The following TTC6 variants were observed in gnomAD, a reference collection of about 807,000 sequenced individuals.
TTC6 encodes tetratricopeptide repeat protein 6.
Under a neutral mutation model 210.4 loss-of-function variants are expected in TTC6, and 172 were observed. The ratio of observed to expected loss-of-function variants is 0.82; its 90% CI spans 0.72 to 0.93. The LOEUF (loss-of-function observed/expected upper bound fraction) is 0.93. Among genes scored for constraint, TTC6 ranks in the 40% least tolerant of loss-of-function variants. The pLI is 0.00. For synonymous variants in TTC6, 804 were observed against 819.6 expected (o/e 0.98, Z 0.32); for missense variants, 2,414 against 2,318.1 (o/e 1.04, Z -0.85).
intron 1 of TTC6, among the ~76,000 whole-genome samples, chr14:37,648,948 CAG>C (rs2095706432): frequency 6.6e-6 from 1 of 151,962 alleles, no homozygotes; most frequent in Non-Finnish European, 1.5e-5. Context: ...AGTTTGTAAA[CAG>C]AGATGTGCAA....
chr14:37,821,794 T>G (rs1037886348), intron 26 of TTC6, among the ~76,000 whole-genome samples: 21 of 147,848 alleles, frequency 1.4e-4, no homozygotes, highest in Non-Finnish European at 3.0e-4. Flanking sequence ...TTTTTTTTTT[T>G]TTTGAGATGG....
At chr14:37,782,609 T>A (rs2096057838) in intron 14 of TTC6, among the ~76,000 whole-genome samples, 1 of 152,110 alleles carries the variant, frequency 6.6e-6, no homozygotes, top group African/African-American at 2.4e-5. Flanking sequence ...CCTAATTGAA[T>A]ACCCTTTATT....
At chr14:37,689,126 TAGAA>T (rs148409705) in intron 3 of TTC6, among the ~76,000 whole-genome samples, 11,393 of 151,780 alleles carry the variant, frequency 0.075, 518 homozygotes, top group African/African-American at 0.14. Context: ...TTGAAATAAT[TAGAA>T]AGAATCAAGC....
At chr14:37,644,794 A>G (rs573604029) in intron 1 of TTC6, among the ~76,000 whole-genome samples, 169 of 152,314 alleles carry the variant, frequency 1.1e-3, no homozygotes, top group Non-Finnish European at 2.2e-3. Flanking sequence ...ATTAGGTAAC[A>G]TAACAAGGGA....
At chr14:37,823,941 T>C (rs2096164254) in exon 27 of TTC6, 2 of 1,613,798 alleles carry the variant, frequency 1.2e-6, no homozygotes, top group Non-Finnish European at 1.7e-6. Context: ...AGAATTAGTT[T>C]TGGCTATAAT....
chr14:37,776,452 T>C (rs2096037864), intron 14 of TTC6, among the ~76,000 whole-genome samples: 1 of 152,160 alleles, frequency 6.6e-6, no homozygotes, highest in Admixed American at 6.5e-5. Flanking sequence ...TGGCTTGTAA[T>C]GGTCTTTCCT....
chr14:37,835,718 T>A (rs141776624), intron 29 of TTC6, among the ~76,000 whole-genome samples: 3 of 152,320 alleles, frequency 2.0e-5, no homozygotes, highest in Non-Finnish European at 4.4e-5. Flanking sequence ...AATAATTGTG[T>A]TAGAAAGTGG....
At chr14:37,808,650 G>T (rs1320208753) in intron 23 of TTC6, 83 bp from the exon 26 acceptor site, 9 of 725,980 alleles carry the variant, frequency 1.2e-5, no homozygotes, top group Middle Eastern at 3.9e-4. Flanking sequence ...CAAAAACTCT[G>T]ATAGAAACAA....
At chr14:37,634,525 C>G (rs760269736) in intron 1 of TTC6, among the ~76,000 whole-genome samples, 3 of 152,014 alleles carry the variant, frequency 2.0e-5, no homozygotes, top group Non-Finnish European at 2.9e-5. Context: ...CATCATAGTC[C>G]TGGAAGAAGG....
intron 3 of TTC6, among the ~76,000 whole-genome samples, chr14:37,685,484 ACT>A (rs1405890976): frequency 6.6e-6 from 1 of 152,088 alleles, no homozygotes; most frequent in Non-Finnish European, 1.5e-5. Context: ...AAGAAAGATA[ACT>A]CTGTCATATG....
At chr14:37,701,158 A>G (rs1414042710) in intron 4 of TTC6, among the ~76,000 whole-genome samples, 174 bp from the exon 7 acceptor site, 2 of 152,178 alleles carry the variant, frequency 1.3e-5, no homozygotes, top group Non-Finnish European at 2.9e-5. Context: ...GCTCTGGACA[A>G]TGGCCTGAGA....
At chr14:37,651,520 G>A (rs2095713129) in intron 1 of TTC6, among the ~76,000 whole-genome samples, 1 of 141,306 alleles carries the variant, frequency 7.1e-6, no homozygotes, top group Non-Finnish European at 1.5e-5. Flanking sequence ...ATATTGTCAA[G>A]TACCTTCAAG....
At chr14:37,744,849 G>A (rs1199528872) in intron 10 of TTC6, among the ~76,000 whole-genome samples, 1 of 152,136 alleles carries the variant, frequency 6.6e-6, no homozygotes, top group Non-Finnish European at 1.5e-5. Flanking sequence ...GGAGCAGGGA[G>A]ACCAGTTAGA....
chr14:37,628,498 G>A (rs2095664193), intron 1 of TTC6, among the ~76,000 whole-genome samples: 1 of 151,994 alleles, frequency 6.6e-6, no homozygotes, highest in Non-Finnish European at 1.5e-5. Context: ...TGTAGATTCT[G>A]GATATTAGCC....
chr14:37,804,967 A>G (rs2096115110), intron 21 of TTC6, among the ~76,000 whole-genome samples, 153 bp downstream of exon 23: 1 of 152,186 alleles, frequency 6.6e-6, no homozygotes, highest in African/African-American at 2.4e-5. Flanking sequence ...GCACCCTGCA[A>G]CACCTAGGAC....
intron 29 of TTC6, among the ~76,000 whole-genome samples, chr14:37,829,058 A>G (rs1485273717): frequency 6.6e-6 from 1 of 151,916 alleles, no homozygotes; most frequent in Admixed American, 6.6e-5. Flanking sequence ...TGTGGAACAA[A>G]TTCTCCTTTG....
intron 29 of TTC6, 92 bp downstream of exon 31, chr14:37,827,458 C>A: frequency 8.4e-7 from 1 of 1,195,452 alleles, no homozygotes; most frequent in Non-Finnish European, 1.2e-6. Flanking sequence ...CAATCTCAGG[C>A]TAATAATGCA....
chr14:37,732,251 A>C (rs548264071), intron 7 of TTC6, among the ~76,000 whole-genome samples: 12 of 122,602 alleles, frequency 9.8e-5, no homozygotes, highest in South Asian at 5.5e-4. Flanking sequence ...GGCGCGATCT[A>C]GGCTCACTGC....
chr14:37,613,658 G>C (rs948190489), intron 2 of TTC6, among the ~76,000 whole-genome samples: 1 of 151,952 alleles, frequency 6.6e-6, no homozygotes, highest in Non-Finnish European at 1.5e-5. Context: ...TAAAAATATA[G>C]AGCTATTCAG....
Sources: allele counts gnomAD v4.1 joint callset (sites outside exome capture counted in the v4.1 genomes callset), GRCh38; gene constraint gnomAD v4.1.1; transcripts MANE v1.5; gene names NCBI Gene and HGNC (gene_info 2026-07-23, HGNC 2026-07-21).